UGT1A8: variants seen among roughly 807,000 people sequenced by gnomAD.
UGT1A8 encodes the protein UDP-glucuronosyltransferase 1A8.
Under a neutral mutation model 45.3 loss-of-function variants are expected in UGT1A8, and 39 were observed. That is an observed-to-expected ratio of 0.86 (90% CI 0.67 to 1.12). The LOEUF is 1.12. Ranked by LOEUF, UGT1A8 falls within the 50% of genes most tolerant of loss-of-function variation. The pLI, the probability that UGT1A8 is intolerant of heterozygous loss-of-function variation, is 0.00. For missense variants in UGT1A8, 719 were observed against 664.9 expected, an observed-to-expected ratio of 1.08 and a Z score of -0.90; for synonymous variants, 275 against 249.2, an observed-to-expected ratio of 1.10 and a Z score of -0.97.
intron 1 of UGT1A8, chr2:233,690,829 A>C: frequency 9.4e-7 from 1 of 1,068,596 alleles, no homozygotes; most frequent in Non-Finnish European, 1.1e-6. Context: ...AGCTCACAGG[A>C]GAAAGAAAAA....
chr2:233,731,569 A>G (rs1225013175), intron 1 of UGT1A8, among the ~76,000 whole-genome samples: 1 of 152,190 alleles, frequency 6.6e-6, no homozygotes, highest in African/African-American at 2.4e-5. Context: ...TTTGCTGAGA[A>G]TGATGGTTTA....
chr2:233,668,390 C>G (rs920817336), intron 1 of UGT1A8, among the ~76,000 whole-genome samples: 1 of 152,114 alleles, frequency 6.6e-6, no homozygotes, highest in Non-Finnish European at 1.5e-5. Context: ...TGAACTCATC[C>G]TTTTTTATGG....
At chr2:233,648,820 C>T in intron 1 of UGT1A8, 1 of 1,023,214 alleles carries the variant, frequency 9.8e-7, no homozygotes, top group Non-Finnish European at 1.5e-6. Flanking sequence ...CTTAGAGGAG[C>T]ATTTATTTTG....
chr2:233,673,550 G>A (rs1458220896), intron 1 of UGT1A8, among the ~76,000 whole-genome samples: 1 of 151,978 alleles, frequency 6.6e-6, no homozygotes, highest in Non-Finnish European at 1.5e-5. Context: ...AGAAGGATTG[G>A]CATTTTTTTG....
At chr2:233,650,409 C>T (rs757434560) in intron 1 of UGT1A8, among the ~76,000 whole-genome samples, 1 of 152,208 alleles carries the variant, frequency 6.6e-6, no homozygotes, top group Non-Finnish European at 1.5e-5. Flanking sequence ...TGTAAACTGT[C>T]CTGACTGAGA....
intron 1 of UGT1A8, among the ~76,000 whole-genome samples, chr2:233,703,748 A>C (rs2075751541): frequency 1.3e-5 from 2 of 152,070 alleles, no homozygotes; most frequent in Admixed American, 1.3e-4. Flanking sequence ...TTTAAATCTC[A>C]AATGTATCTT....
At chr2:233,644,982 C>T (rs531957848) in intron 1 of UGT1A8, among the ~76,000 whole-genome samples, 8 of 152,200 alleles carry the variant, frequency 5.3e-5, no homozygotes, top group Admixed American at 1.3e-4. Flanking sequence ...GTTCTTATGA[C>T]CCCTGATTGA....
At position 233,711,986 on chromosome 2, in the gene UGT1A8, A is replaced by G. The variant is rs576273214; in HGVS notation, c.856-55048A>G. Among the ~76,000 whole-genome samples, 5 of 152,300 alleles carry G rather than the reference A, an allele frequency of 3.3e-5. No individual in the cohort carries two copies. The South Asian group carries it at 1.0e-3, about 32-fold the overall frequency. The stretch of plus-strand genomic sequence containing the variant: ...GAAATTTGAACTAGAGCCCCCACAA[A>G]TTATTCTGTTCTGGAGGAACCATTC... On this transcript the variant is annotated intron_variant, in intron 1 of 4. Transcript: ENST00000373450.
intron 1 of UGT1A8, among the ~76,000 whole-genome samples, chr2:233,698,975 G>A (rs527808539): frequency 6.6e-6 from 1 of 152,336 alleles, no homozygotes; most frequent in African/African-American, 2.4e-5. Context: ...AAGCCCTTTG[G>A]CCACCCAGGT....
intron 1 of UGT1A8, chr2:233,755,020 T>G (rs552495015): frequency 7.7e-7 from 1 of 1,304,796 alleles, no homozygotes; most frequent in African/African-American, 1.5e-5. Context: ...AAGGGGTCCT[T>G]GAAGGGCCTG....
chr2:233,715,342 A>G (rs1189143165), intron 1 of UGT1A8, among the ~76,000 whole-genome samples: 2 of 150,484 alleles, frequency 1.3e-5, no homozygotes, highest in African/African-American at 2.5e-5. Context: ...TGGTGCATGT[A>G]GGTTTGAGGT....
At chr2:233,709,397 A>ATG (rs1316902084) in intron 1 of UGT1A8, among the ~76,000 whole-genome samples, 2 of 152,196 alleles carry the variant, frequency 1.3e-5, no homozygotes, top group Non-Finnish European at 2.9e-5. Context: ...TTAATAATCT[A>ATG]TGGGTGAACA....
At chr2:233,660,646 A>G (rs996370002) in intron 1 of UGT1A8, among the ~76,000 whole-genome samples, 2 of 152,082 alleles carry the variant, frequency 1.3e-5, no homozygotes, top group Admixed American at 1.3e-4. Context: ...CATAAATTGG[A>G]CTGTATTTGC....
intron 1 of UGT1A8, among the ~76,000 whole-genome samples, chr2:233,675,693 C>T (rs1473453849): frequency 6.6e-6 from 1 of 152,174 alleles, no homozygotes; most frequent in Non-Finnish European, 1.5e-5. Context: ...ACCCACTTAT[C>T]CATTCTTAGG....
intron 4 of UGT1A8, among the ~76,000 whole-genome samples, chr2:233,768,830 T>G (rs1378078075): frequency 6.6e-6 from 1 of 152,106 alleles, no homozygotes; most frequent in Non-Finnish European, 1.5e-5. Flanking sequence ...GTGATCCACC[T>G]GCCTCGGCCT....
rs1447098381 is a variant in UGT1A8 at position 233,718,854 on chromosome 2, C to G, written c.856-48180C>G. 1.9e-6 allele frequency: 3 copies of G among 1,613,744 alleles called. 1 individual carries two copies. Among genetic ancestry groups the G allele is most frequent in the South Asian group, 2.2e-5 (2 of 91,050 alleles). On this transcript the variant is annotated intron_variant, in intron 1 of 4. Transcript: ENST00000373450. ...AGGACTCCAGGTTCCCCTGCCGCGG[C>G]TGGCCACAGGACTGCTGCTCCTCCT...
intron 1 of UGT1A8, among the ~76,000 whole-genome samples, chr2:233,736,159 G>C (rs1376053272): frequency 6.6e-6 from 1 of 152,194 alleles, no homozygotes; most frequent in Non-Finnish European, 1.5e-5. Context: ...GTCAAACGTA[G>C]ATTTGGTCTT....
intron 1 of UGT1A8, among the ~76,000 whole-genome samples, chr2:233,644,389 G>A (rs1045908248): frequency 9.9e-5 from 15 of 152,060 alleles, no homozygotes; most frequent in South Asian, 4.1e-4. Flanking sequence ...CCAACATGGC[G>A]AAACCCAATC....
intron 1 of UGT1A8, chr2:233,721,828 C>G (rs866134319): frequency 3.9e-6 from 2 of 516,354 alleles, no homozygotes; most frequent in Middle Eastern, 7.8e-4. Flanking sequence ...CTATTTGGGC[C>G]ACCGACCTTG....
Sources: gnomAD v4.1 joint callset for allele counts (sites outside exome capture counted in the v4.1 genomes callset) on GRCh38, gnomAD v4.1.1 for gene constraint, MANE v1.5 for transcripts, NCBI Gene and HGNC (gene_info 2026-07-23, HGNC 2026-07-21) for gene names.